Variants in MCM6 observed in about 807,000 individuals in gnomAD.
The protein encoded by MCM6 is DNA replication licensing factor MCM6.
MCM6 carries 46 observed loss-of-function variants against 94.3 expected under a neutral mutation model. The ratio of observed to expected loss-of-function variants is 0.49; its 90% CI spans 0.39 to 0.62. MCM6 has a LOEUF of 0.62. Ranked by LOEUF, MCM6 falls within the 20% of genes least tolerant of loss-of-function variation. MCM6 has a pLI of 0.00. For missense variants in MCM6, 865 were observed against 1,017.9 expected, an observed-to-expected ratio of 0.85 and a Z score of 2.04; for synonymous variants, 335 against 351.9, an observed-to-expected ratio of 0.95 and a Z score of 0.54.
At position 135,846,873 on chromosome 2, in the gene MCM6, G is replaced by A. The variant is rs531042139; in HGVS notation, c.2054-481C>T. Among the ~76,000 whole-genome samples, 3 of 152,024 alleles carry A rather than the reference G, an allele frequency of 2.0e-5. No homozygotes were observed. In the South Asian group the frequency reaches 6.2e-4, roughly 32 times the overall value. On this transcript the variant is annotated intron_variant, in intron 14 of 16. Transcript: ENST00000264156. ...ACAAAAATTAGCTGGGTGTGGTGGT[G>A]GGTGCCTGTAATCCCAGCTACTCGG...
At chr2:135,866,521 G>T in intron 5 of MCM6, 42 bp downstream of exon 5, 1 of 1,578,628 alleles carries the variant, frequency 6.3e-7, no homozygotes, top group Non-Finnish European at 8.6e-7. Context: ...GTGCAGTTTA[G>T]GTAACTGAGA....
chr2:135,857,839 C>A, intron 10 of MCM6, 58 bp downstream of exon 10: 1 of 1,406,916 alleles, frequency 7.1e-7, no homozygotes. Context: ...TTCTCTAGTA[C>A]TACATTAATC....
chr2:135,872,711 T>C lies in MCM6; in HGVS notation c.240A>G (p.Gln80=), dbSNP rs557259193. The C allele has an allele frequency of 6.2e-7, 1 of 1,614,144 alleles. No individual in the cohort carries two copies. Among genetic ancestry groups the C allele is most frequent in the Non-Finnish European group, 8.5e-7 (1 of 1,180,014 alleles). The change falls in exon 2 of 17, where the codon CAA becomes CAG. Residue 80 remains glutamine (Q), a synonymous_variant. Coordinates refer to ENST00000264156, the MANE Select transcript of MCM6 (RefSeq NM_005915.6). ...TATGCCCATACCTATAGAACTCCTCTTGAATGGTGGTGGAAAGTTGCTGGT... is the reference window on the plus strand; with the variant it reads ...TATGCCCATACCTATAGAACTCCTCCTGAATGGTGGTGGAAAGTTGCTGGT... The part of the protein sequence containing the change: ...QFNQQLSTTI[Q]EEFYRVYPYL...
Position 135,868,677 on chromosome 2 carries a change from T to C in MCM6, c.549A>G (p.Pro183=), listed in dbSNP as rs1186562533. The change falls in exon 4 of 17, where the codon CCA becomes CCG. Residue 183 remains proline (P), a synonymous_variant. Coordinates refer to ENST00000264156, the MANE Select transcript of MCM6 (RefSeq NM_005915.6). ...KYTQPNICRN[P]VCANRRRFLL... is the part of the protein sequence containing the mutation. ...AGAATCTCCTCCTGTTGGCACAAACTGGATTTCGGCAGATGTTTGGCTGTG... is the reference window on the plus strand; with the variant it reads ...AGAATCTCCTCCTGTTGGCACAAACCGGATTTCGGCAGATGTTTGGCTGTG... The C allele has an allele frequency of 1.2e-6, 2 of 1,614,066 alleles. No individual in the cohort carries two copies. Among genetic ancestry groups the C allele is most frequent in the Non-Finnish European group, 1.7e-6 (2 of 1,179,998 alleles).
intron 14 of MCM6, 72 bp from the exon 15 acceptor site, chr2:135,846,464 A>G (rs191624608): frequency 8.7e-7 from 1 of 1,150,944 alleles, no homozygotes; most frequent in African/African-American, 1.5e-5. Flanking sequence ...ATTTACAAAT[A>G]CACTACTTAC....
At chr2:135,852,304 C>G (rs1394910138) in intron 12 of MCM6, among the ~76,000 whole-genome samples, 2 of 151,998 alleles carry the variant, frequency 1.3e-5, no homozygotes, top group African/African-American at 2.4e-5. Flanking sequence ...TGGGAAAATG[C>G]CAAGCATTTG....
chr2:135,859,039 C>T (rs1679941122), intron 9 of MCM6, among the ~76,000 whole-genome samples: 1 of 152,014 alleles, frequency 6.6e-6, no homozygotes, highest in African/African-American at 2.4e-5. Flanking sequence ...CACAAGCACC[C>T]GCCACCATGC....
intron 11 of MCM6, 138 bp downstream of exon 11, chr2:135,856,590 T>C (rs551633148): frequency 1.3e-6 from 1 of 745,164 alleles, no homozygotes; most frequent in East Asian, 2.9e-5. Flanking sequence ...ACTAAACCCT[T>C]TGTCCGATCC....
Position 135,870,324 on chromosome 2 carries a change from C to G in MCM6, c.292G>C (p.Val98Leu), listed in dbSNP as rs375834809. 6.2e-7 allele frequency: 1 copy of G among 1,613,684 alleles called. No individual in the cohort carries two copies. The highest frequency in any genetic ancestry group is 8.5e-7 in the Non-Finnish European group (1 of 1,179,758). ...PYLCRALKTFVKDRKEIPLAK... is the reference protein window; with the variant it reads ...PYLCRALKTFLKDRKEIPLAK... ...AGAGGGATCTCTTTACGGTCTTTGA[C>G]GAATGTTTTCAAGGCCCGACACAGG... The change falls in exon 3 of 17, where the codon GTC becomes CTC. Residue 98 changes from valine to leucine, a missense_variant. Val to Leu is a conservative substitution (Grantham distance 32, BLOSUM62 1). This residue lies in a region of MCM6 where 404 missense variants were observed against 451.9 expected (regional missense o/e 0.89). Coordinates refer to ENST00000264156, the MANE Select transcript of MCM6 (RefSeq NM_005915.6).
At chr2:135,860,455 G>C (rs1198778771) in intron 8 of MCM6, among the ~76,000 whole-genome samples, 3 of 152,124 alleles carry the variant, frequency 2.0e-5, no homozygotes, top group Admixed American at 6.5e-5. Flanking sequence ...TTTAAAAGAA[G>C]TCTTTAATAG....
At chr2:135,860,721 G>A (rs1679974510) in intron 8 of MCM6, among the ~76,000 whole-genome samples, 1 of 152,148 alleles carries the variant, frequency 6.6e-6, no homozygotes, top group Admixed American at 6.5e-5. Flanking sequence ...CTAATAAAGG[G>A]TTTTTTCTTT....
At chr2:135,873,905 T>C (rs994237113) in intron 1 of MCM6, among the ~76,000 whole-genome samples, 2 of 152,174 alleles carry the variant, frequency 1.3e-5, no homozygotes, top group Non-Finnish European at 2.9e-5. Flanking sequence ...AGTTAAAAAT[T>C]TCAAATAAAA....
At position 135,856,794 on chromosome 2, in the gene MCM6, T is replaced by G; in HGVS notation, c.1560A>C (p.Ile520=). The G allele has an allele frequency of 6.2e-7, 1 of 1,614,196 alleles. No individual in the cohort carries two copies. Among genetic ancestry groups the G allele is most frequent in the Non-Finnish European group, 8.5e-7 (1 of 1,180,026 alleles). ...YDRSKSLKQN[I]NLSAPIMSRF... ...GGGACATGATGGGAGCTGACAAATT[T>G]ATATTCTGTTTCAATGATTTTGATC... The change falls in exon 11 of 17, where the codon ATA becomes ATC. Residue 520 remains isoleucine (I), a synonymous_variant. Transcript: ENST00000264156.
chr2:135,874,896 C>T (rs1680267548), intron 1 of MCM6, among the ~76,000 whole-genome samples: 1 of 152,140 alleles, frequency 6.6e-6, no homozygotes, highest in African/African-American at 2.4e-5. Flanking sequence ...ACCTTGTAGA[C>T]ATTATGTTAC....
chr2:135,870,494 C>T, intron 2 of MCM6, 133 bp from the exon 3 acceptor site: 1 of 624,912 alleles, frequency 1.6e-6, no homozygotes, highest in Non-Finnish European at 2.9e-6. Context: ...CTGTGTAGGA[C>T]ACTTCTATTA....
chr2:135,867,305 A>T (rs568142720), intron 4 of MCM6, among the ~76,000 whole-genome samples: 166 of 152,312 alleles, frequency 1.1e-3, no homozygotes, highest in Non-Finnish European at 1.8e-3. Context: ...ATAAAATTAC[A>T]TATCTTCTAT....
intron 2 of MCM6, among the ~76,000 whole-genome samples, chr2:135,872,402 C>G (rs946392091): frequency 6.6e-6 from 1 of 152,084 alleles, no homozygotes; most frequent in African/African-American, 2.4e-5. Flanking sequence ...GAGCCAAGAT[C>G]GCGCCACTGC....
intron 2 of MCM6, among the ~76,000 whole-genome samples, chr2:135,871,236 T>C (rs561590128): frequency 2.0e-5 from 3 of 152,334 alleles, no homozygotes; most frequent in African/African-American, 7.2e-5. Flanking sequence ...AAAAAGGCGC[T>C]ACTCTCAGGA....
chr2:135,861,131 A>C (rs1221057868), intron 8 of MCM6, among the ~76,000 whole-genome samples: 1 of 152,238 alleles, frequency 6.6e-6, no homozygotes, highest in African/African-American at 2.4e-5. Context: ...GATATGTTCA[A>C]AAGAAATATT....
Sources: gnomAD v4.1 joint callset for allele counts (sites outside exome capture counted in the v4.1 genomes callset) on GRCh38, gnomAD v4.1.1 for gene constraint, gnomAD v4.1.1 regional missense constraint, MANE v1.5 for transcripts, NCBI Gene and HGNC (gene_info 2026-07-23, HGNC 2026-07-21) for gene names.